The following RCE1 variants were observed in gnomAD, a reference collection of about 807,000 sequenced individuals.
RCE1 encodes the protein CAAX prenyl protease 2.
A neutral mutation model predicts 35.0 loss-of-function variants in RCE1; 15 were observed. That is an observed-to-expected ratio of 0.43 (90% CI 0.29 to 0.66). The LOEUF (loss-of-function observed/expected upper bound fraction) is 0.66, where lower values mean the gene tolerates loss of function less well. Among genes scored for constraint, RCE1 ranks in the 30% least tolerant of loss-of-function variants. RCE1 has a pLI of 0.17. For missense variants in RCE1, 434 were observed against 433.0 expected (o/e 1.00, Z -0.02); for synonymous variants, 261 against 192.7 (o/e 1.35, Z -2.94).
chr11:66,844,716 T>G, intron 4 of RCE1, 153 bp from the exon 5 acceptor site: 4 of 1,145,246 alleles, frequency 3.5e-6, no homozygotes, highest in Non-Finnish European at 4.7e-6. Flanking sequence ...AGACATTGGG[T>G]TTATGTTGGG....
rs557534155 is a variant in RCE1, at chr11:66,845,773, C to T, written c.755-87C>T. On this transcript the variant is annotated intron_variant, in intron 7 of 7. Coordinates refer to ENST00000309657, the MANE Select transcript of RCE1 (RefSeq NM_005133.3). ...GCTGGGGTAGTGGGATCTTGATCTC[C>T]TGTTTCAGGGGATGAGGGTCACTAG... The T allele has an allele frequency of 1.1e-5, 17 of 1,530,272 alleles. No individual in the cohort carries two copies. In the African/African-American group the frequency reaches 1.2e-4, roughly 11 times the overall value. 94.8% of individuals were successfully genotyped at this position (1,530,272 alleles called of 1,614,324 possible).
At chr11:66,844,216 T>C in intron 3 of RCE1, 70 bp from the exon 4 acceptor site, 1 of 1,608,072 alleles carries the variant, frequency 6.2e-7, no homozygotes, top group Non-Finnish European at 8.5e-7. Context: ...AAGCTTGGAG[T>C]CTCAGGGAGC....
chr11:66,844,109 T>G lies in RCE1; in HGVS notation c.372+70T>G, dbSNP rs1172014330. On this transcript the variant is annotated intron_variant, in intron 3 of 7. Transcript: ENST00000309657. ...CCTGATGGGCAGTGCCGTGGACTCT[T>G]GTTTTTGGTTTTTGGTTGATGGGAG... 8 of 1,609,218 alleles carry G rather than the reference T, an allele frequency of 5.0e-6. No individual in the cohort carries two copies. In the Middle Eastern group the frequency reaches 6.6e-4, roughly 133 times the overall value.
chr11:66,844,067 C>T (rs1234401765), intron 3 of RCE1, 28 bp downstream of exon 3: 28 of 1,613,882 alleles, frequency 1.7e-5, no homozygotes, highest in Non-Finnish European at 2.4e-5. Flanking sequence ...ATTTTTTCTT[C>T]TGGTCTTTGT....
chr11:66,845,764 C>G, intron 7 of RCE1, 96 bp from the exon 8 acceptor site: 1 of 1,514,980 alleles, frequency 6.6e-7, no homozygotes, highest in Non-Finnish European at 8.9e-7. Flanking sequence ...GTAGTGGGAT[C>G]TTGATCTCCT....
chr11:66,843,781 C>G lies in RCE1; in HGVS notation c.208C>G (p.Arg70Gly). The G allele has an allele frequency of 6.2e-7, 1 of 1,613,866 alleles. No individual in the cohort carries two copies. Among genetic ancestry groups the G allele is most frequent in the Non-Finnish European group, 8.5e-7 (1 of 1,180,018 alleles). Residue 70 changes from arginine (R) to glycine (G), a missense_variant, in exon 2 of 8, where the codon CGA (arginine) becomes GGA (glycine). Coordinates refer to ENST00000309657, the MANE Select transcript of RCE1 (RefSeq NM_005133.3). ...LPRDHPAVIK[R>G]RFTSVLVVSS... ...TAGGGACCATCCCGCGGTCATCAAG[C>G]GACGCTTCACCAGCGTCCTGGTGGT...
intron 6 of RCE1, 112 bp downstream of exon 6, chr11:66,845,349 T>C: frequency 3.2e-6 from 5 of 1,581,860 alleles, no homozygotes; most frequent in Admixed American, 3.5e-5. Context: ...CCACTGACCG[T>C]GGGAAGTTGG....
rs777260015 is a variant in RCE1 at position 66,843,755 on chromosome 11, G to A, written c.186-4G>A. ...GCCCCCTGAACTTACTGTCCCCTCC[G>A]TAGGGACCATCCCGCGGTCATCAAG... On this transcript the variant is annotated splice_polypyrimidine_tract_variant and splice_region_variant and intron_variant, in intron 1 of 7. Transcript: ENST00000309657. The A allele has an allele frequency of 1.9e-6, 3 of 1,613,328 alleles. No individual in the cohort carries two copies. Among genetic ancestry groups the A allele is most frequent in the Non-Finnish European group, 1.7e-6 (2 of 1,179,924 alleles).
intron 6 of RCE1, 118 bp downstream of exon 6, chr11:66,845,355 G>C: frequency 6.3e-7 from 1 of 1,583,454 alleles, no homozygotes; most frequent in East Asian, 2.3e-5. Flanking sequence ...ACCGTGGGAA[G>C]TTGGGGTGCA....
In RCE1 at chr11:66,844,058, T is replaced by G. The variant is rs772695324; in HGVS notation, c.372+19T>G. On this transcript the variant is annotated intron_variant, in intron 3 of 7. Coordinates refer to ENST00000309657, the MANE Select transcript of RCE1 (RefSeq NM_005133.3). ...GACCATGGTGAGTGCTCCTGCTGTA[T>G]TTTTTCTTCTGGTCTTTGTTATCAG... 2.5e-6 allele frequency: 4 copies of G among 1,613,890 alleles called. No homozygotes were observed. In the South Asian group the frequency reaches 3.3e-5, roughly 13 times the overall value.
chr11:66,845,702 G>A, intron 7 of RCE1, 140 bp downstream of exon 7: 6 of 1,487,948 alleles, frequency 4.0e-6, no homozygotes, highest in Admixed American at 1.9e-5. Flanking sequence ...GCCTGGTGAG[G>A]TCTGAGAGGT....
rs1945164081 is a variant in RCE1 at position 66,844,498 on chromosome 11, T to C, written c.451+134T>C. 3 of 1,263,506 alleles carry C rather than the reference T, an allele frequency of 2.4e-6. 1 individual carries two copies. 78.3% of individuals were successfully genotyped at this position (1,263,506 alleles called of 1,614,324 possible). The stretch of plus-strand genomic sequence containing the variant: ...TGGGTGTGTTTTCTCATCAGTAAAA[T>C]GGAAACATAGAGCTAGGTGGCCTCT... On this transcript the variant is annotated intron_variant, in intron 4 of 7. Coordinates refer to ENST00000309657, the MANE Select transcript of RCE1 (RefSeq NM_005133.3).
chr11:66,845,639 G>A, intron 7 of RCE1, 77 bp downstream of exon 7: 1 of 1,604,544 alleles, frequency 6.2e-7, no homozygotes, highest in Admixed American at 1.7e-5. Flanking sequence ...TTTGTTCTAG[G>A]AACAAAAGTT....
Position 66,843,515 on chromosome 11 carries a change from G to T in RCE1, c.60G>T (p.Pro20=), listed in dbSNP as rs1186762223. The change falls in exon 1 of 8, where the codon CCG becomes CCT. Residue 20 remains proline (P), a synonymous_variant. Transcript: ENST00000309657. ...RLLSVSRPER[P]PESAALGGLG... ...TGTCGGTGTCGCGGCCGGAGCGGCCGCCCGAGTCGGCGGCGCTGGGCGGCC... is the reference window on the plus strand; with the variant it reads ...TGTCGGTGTCGCGGCCGGAGCGGCCTCCCGAGTCGGCGGCGCTGGGCGGCC... The T allele has an allele frequency of 2.0e-6, 3 of 1,497,602 alleles. No individual in the cohort carries two copies. Among genetic ancestry groups the T allele is most frequent in the Middle Eastern group, 2.2e-4 (1 of 4,582 alleles). The allele number at this position is 1,497,602 out of a possible 1,614,324, so 92.8% of individuals were successfully genotyped here. A position where few individuals can be genotyped will look rare whatever the true frequency, so the allele number is the denominator to read the frequency against.
rs766310184 is a variant in RCE1 at position 66,845,053 on chromosome 11, T to C, written c.619+17T>C. ...TTGGAGTTGGTGAGTCTGGCCAGAT[T>C]AGTCCTGGTGTGTTTTCAGCATGAG... On this transcript the variant is annotated intron_variant, in intron 5 of 7. Transcript: ENST00000309657. 6.2e-6 allele frequency: 10 copies of C among 1,603,874 alleles called. No homozygotes were observed. In the South Asian group the frequency reaches 6.7e-5, roughly 11 times the overall value.
intron 4 of RCE1, 78 bp from the exon 5 acceptor site, chr11:66,844,789 GGA>G: frequency 6.8e-7 from 1 of 1,462,234 alleles, no homozygotes; most frequent in Non-Finnish European, 9.0e-7. Flanking sequence ...TAAAGTTGTG[GGA>G]GAGGAGCCCT....
rs566156841 is a variant in RCE1, at chr11:66,844,566, C to T, written c.451+202C>T. The stretch of plus-strand genomic sequence containing the variant: ...GTCCAAGGAGTTCCCTGGGAACCCC[C>T]AGCAGTATTTGGTGTGGATCAGAGA... On this transcript the variant is annotated intron_variant, in intron 4 of 7. Coordinates refer to ENST00000309657, the MANE Select transcript of RCE1 (RefSeq NM_005133.3). The T allele has an allele frequency of 2.4e-4, 185 of 761,494 alleles. 1 individual carries two copies. The South Asian group carries it at 3.3e-3, about 14-fold the overall frequency. 47.2% of individuals were successfully genotyped at this position (761,494 alleles called of 1,614,324 possible). A position where few individuals can be genotyped will look rare whatever the true frequency, so the allele number is the denominator to read the frequency against.
intron 1 of RCE1, 56 bp from the exon 2 acceptor site, chr11:66,843,703 C>G: frequency 5.0e-6 from 8 of 1,603,104 alleles, no homozygotes; most frequent in Non-Finnish European, 6.8e-6. Context: ...GAGCCGGGGG[C>G]GGGTCCGTGC....
chr11:66,845,176 C>G lies in RCE1; in HGVS notation c.630C>G (p.His210Gln). 1 of 1,614,216 alleles carries G rather than the reference C, an allele frequency of 6.2e-7. No homozygotes were observed. The highest frequency in any genetic ancestry group is 8.5e-7 in the Non-Finnish European group (1 of 1,180,040). ...TCACCTTTTTCCCAGCCCATTTTCA[C>G]CATATTATTGAGCAGCTGCGTTTCC... The part of the protein sequence containing the change: ...CPLFFGVAHF[H>Q]HIIEQLRFRQ... The change falls in exon 6 of 8, where the codon CAC (histidine) becomes CAG (glutamine). Residue 210 changes from histidine to glutamine, a missense_variant. By Grantham distance (24) the His-to-Gln change is conservative. Coordinates refer to ENST00000309657, the MANE Select transcript of RCE1 (RefSeq NM_005133.3).
Sources: allele counts gnomAD v4.1 joint callset, GRCh38; gene constraint gnomAD v4.1.1; transcripts MANE v1.5; gene names NCBI Gene and HGNC (gene_info 2026-07-23, HGNC 2026-07-21).